The following RPS6KC1 variants were observed in gnomAD, a reference collection of about 807,000 sequenced individuals.
The protein encoded by RPS6KC1 is inactive ribosomal protein S6 kinase delta-1.
In RPS6KC1, 54 loss-of-function variants were observed where a neutral mutation model predicts 103.8. The observed-to-expected ratio is 0.52, with a 90% CI of 0.42 to 0.65. The LOEUF (loss-of-function observed/expected upper bound fraction) is 0.65. RPS6KC1 is among the 30% of genes least tolerant of loss of function. The pLI is 0.00. For missense variants in RPS6KC1, 1,151 were observed against 1,253.8 expected (o/e 0.92, Z 1.24); for synonymous variants, 439 against 438.7 (o/e 1.00, Z -0.01).
In RPS6KC1 at chr1:213,257,337, C is replaced by A. The variant is rs186218814; in HGVS notation, c.2912-4221C>A. On this transcript the variant is annotated intron_variant, in intron 12 of 14. Transcript: ENST00000366960. ...CATCGATTAGACAGACCCATCTGGG[C>A]AATCCTCTGCTCAGTTTTAACGAGG... Among the ~76,000 whole-genome samples, 4 of 152,294 alleles carry A rather than the reference C, an allele frequency of 2.6e-5. No homozygotes were observed. In the East Asian group the frequency reaches 7.7e-4, roughly 29 times the overall value.
At chr1:213,757,136 T>G in the RPS6KC1 span, among the ~76,000 whole-genome samples, 1 of 152,128 alleles carries the variant, frequency 6.6e-6, no homozygotes, top group Non-Finnish European at 1.5e-5. Context: ...GGCCAATTAA[T>G]TACTCCACAG....
the RPS6KC1 span, among the ~76,000 whole-genome samples, chr1:213,596,324 C>T: frequency 6.6e-6 from 1 of 152,208 alleles, no homozygotes; most frequent in African/African-American, 2.4e-5. Flanking sequence ...TCCTGGTTCC[C>T]TGTCTCCTTC....
At chr1:213,598,861 A>G in the RPS6KC1 span, among the ~76,000 whole-genome samples, 2 of 152,128 alleles carry the variant, frequency 1.3e-5, no homozygotes, top group Non-Finnish European at 2.9e-5. Flanking sequence ...GCGGAGGTTG[A>G]GGTGAGCCGA....
the RPS6KC1 span, among the ~76,000 whole-genome samples, chr1:213,413,220 T>C: frequency 2.0e-5 from 3 of 152,340 alleles, no homozygotes; most frequent in Non-Finnish European, 2.9e-5. Flanking sequence ...ATCAGGGTAA[T>C]TGAGGTATCC....
the RPS6KC1 span, among the ~76,000 whole-genome samples, chr1:213,523,025 C>T: frequency 2.0e-5 from 3 of 152,300 alleles, no homozygotes; most frequent in African/African-American, 7.2e-5. Flanking sequence ...CCTTACTAAG[C>T]TTAATCATTT....
chr1:213,420,256 A>G, the RPS6KC1 span, among the ~76,000 whole-genome samples: 3 of 152,152 alleles, frequency 2.0e-5, no homozygotes, highest in African/African-American at 7.2e-5. Context: ...AAACTATAGC[A>G]CCAAAGCTGT....
At position 213,052,591 on chromosome 1, in the gene RPS6KC1, AGT is replaced by A. The variant is rs1264797035; in HGVS notation, c.105+1084_105+1085del. 2.0e-5 allele frequency among the ~76,000 whole-genome samples: 3 copies of A among 151,594 alleles called. No homozygotes were observed. The East Asian group carries it at 5.8e-4, about 29-fold the overall frequency. On this transcript the variant is annotated intron_variant, in intron 1 of 14. Transcript: ENST00000366960. ...GTTTCGCTCTTGTTGCCCAGGCTGG[AGT>A]GCAATGGCATGATCTCTGCTCACCG...
At chr1:213,374,024 A>G in the RPS6KC1 span, among the ~76,000 whole-genome samples, 1 of 152,214 alleles carries the variant, frequency 6.6e-6, no homozygotes, top group East Asian at 1.9e-4. Flanking sequence ...TAAGAGTGGC[A>G]TGTATAAGTA....
chr1:213,302,134 C>A, the RPS6KC1 span, among the ~76,000 whole-genome samples: 1 of 152,194 alleles, frequency 6.6e-6, no homozygotes, highest in African/African-American at 2.4e-5. Context: ...AAGCCTTTCT[C>A]CTTTATTCCC....
chr1:213,484,717 G>A, the RPS6KC1 span, among the ~76,000 whole-genome samples: 1 of 152,198 alleles, frequency 6.6e-6, no homozygotes, highest in Non-Finnish European at 1.5e-5. Context: ...GTCCTCCAGT[G>A]TCTTGGTTTA....
chr1:213,490,979 C>T, the RPS6KC1 span, among the ~76,000 whole-genome samples: 36 of 152,252 alleles, frequency 2.4e-4, no homozygotes, highest in African/African-American at 7.9e-4. Context: ...CCACACTGCT[C>T]GTGATGGGAA....
At chr1:213,854,944 C>T in the RPS6KC1 span, among the ~76,000 whole-genome samples, 1 of 152,182 alleles carries the variant, frequency 6.6e-6, no homozygotes, top group Non-Finnish European at 1.5e-5. Flanking sequence ...GTTCTGGAGG[C>T]TACAAGTCCA....
chr1:213,325,923 G>A, the RPS6KC1 span, among the ~76,000 whole-genome samples: 6 of 152,206 alleles, frequency 3.9e-5, no homozygotes, highest in Non-Finnish European at 2.9e-5. Flanking sequence ...CCCTTCTCCA[G>A]AGTCAGAAAC....
chr1:213,429,762 G>A, the RPS6KC1 span, among the ~76,000 whole-genome samples: 19,789 of 152,150 alleles, frequency 0.13, 1,835 homozygotes, highest in East Asian at 0.39. Context: ...TCTTTCCCCA[G>A]ACGGAATGAG....
Position 213,176,390 on chromosome 1 carries a change from C to G in RPS6KC1, c.952-10C>G. 1 of 1,583,382 alleles carries G rather than the reference C, an allele frequency of 6.3e-7. No homozygotes were observed. The highest frequency in any genetic ancestry group is 8.6e-7 in the Non-Finnish European group (1 of 1,157,098). On this transcript the variant is annotated splice_polypyrimidine_tract_variant and intron_variant, in intron 7 of 14. Transcript: ENST00000366960. ...CTGATTGATGTATAATCTTTGATAT[C>G]TTCCATTAGCCTCCAGGATCACTAA...
the RPS6KC1 span, among the ~76,000 whole-genome samples, chr1:213,629,554 C>G: frequency 1.3e-5 from 2 of 152,134 alleles, no homozygotes; most frequent in African/African-American, 4.8e-5. Flanking sequence ...CAGTCTGTGT[C>G]TTTTAATTGG....
chr1:213,415,295 A>G, the RPS6KC1 span, among the ~76,000 whole-genome samples: 1 of 152,234 alleles, frequency 6.6e-6, no homozygotes, highest in Non-Finnish European at 1.5e-5. Flanking sequence ...GGATTTCTCA[A>G]GAGGGTATTT....
At chr1:213,524,952 G>A in the RPS6KC1 span, among the ~76,000 whole-genome samples, 21 of 152,246 alleles carry the variant, frequency 1.4e-4, no homozygotes, top group South Asian at 4.2e-4. Flanking sequence ...GTTACTTAAC[G>A]ACTTTTTGCC....
At chr1:213,724,119 G>T in the RPS6KC1 span, among the ~76,000 whole-genome samples, 1 of 152,130 alleles carries the variant, frequency 6.6e-6, no homozygotes, top group Admixed American at 6.5e-5. Flanking sequence ...ATGAAGTCTT[G>T]CTCAGTCGCC....
Sources: gnomAD v4.1 joint callset for allele counts (sites outside exome capture counted in the v4.1 genomes callset) on GRCh38, gnomAD v4.1.1 for gene constraint, MANE v1.5 for transcripts, NCBI Gene and HGNC (gene_info 2026-07-23, HGNC 2026-07-21) for gene names.